Variants in POMGNT2 observed in about 807,000 individuals in gnomAD.
The protein encoded by POMGNT2 is protein O-linked mannose N-acetylglucosaminyltransferase 2 (beta 1,4-).
Under a neutral mutation model 37.8 loss-of-function variants are expected in POMGNT2, and 32 were observed. The observed-to-expected ratio is 0.85, with a 90% CI of 0.64 to 1.14. The LOEUF (loss-of-function observed/expected upper bound fraction) is 1.14. Among genes scored for constraint, POMGNT2 ranks in the 50% most tolerant of loss-of-function variants. POMGNT2 has a pLI of 0.00. For missense variants in POMGNT2, 705 were observed against 780.6 expected (o/e 0.90, Z 1.15); for synonymous variants, 340 against 336.8 (o/e 1.01, Z -0.10).
At chr3:43,096,809 T>G (rs1354444054) in intron 1 of POMGNT2, among the ~76,000 whole-genome samples, 1 of 152,130 alleles carries the variant, frequency 6.6e-6, no homozygotes, top group Non-Finnish European at 1.5e-5. Context: ...AAAACATGCC[T>G]AGAAAATCCC....
At chr3:43,085,055 T>A (rs1172100188) in intron 1 of POMGNT2, among the ~76,000 whole-genome samples, 1 of 151,674 alleles carries the variant, frequency 6.6e-6, no homozygotes, top group African/African-American at 2.4e-5. Context: ...CTACTCAGCC[T>A]CCACCAATAC....
intron 1 of POMGNT2, among the ~76,000 whole-genome samples, chr3:43,096,942 T>C (rs1434849614): frequency 2.6e-5 from 4 of 152,304 alleles, no homozygotes; most frequent in African/African-American, 9.6e-5. Flanking sequence ...CTTTCTAGGA[T>C]CCCAGCTGTT....
At chr3:43,081,589 AT>A in intron 1 of POMGNT2, 53 bp from the exon 2 acceptor site, 1 of 675,756 alleles carries the variant, frequency 1.5e-6, no homozygotes, top group Non-Finnish European at 2.4e-6. Flanking sequence ...TCCTGGCATC[AT>A]TACAAGCTCC....
intron 1 of POMGNT2, among the ~76,000 whole-genome samples, chr3:43,105,021 C>T (rs1315855621): frequency 6.6e-6 from 1 of 152,204 alleles, no homozygotes; most frequent in Non-Finnish European, 1.5e-5. Context: ...GCTACTAAGT[C>T]CTATCAAGCT....
intron 1 of POMGNT2, among the ~76,000 whole-genome samples, chr3:43,093,172 T>C (rs2089956502): frequency 6.6e-6 from 1 of 152,226 alleles, no homozygotes; most frequent in African/African-American, 2.4e-5. Context: ...GGTCCACATC[T>C]GGACCTGGCT....
At position 43,079,499 on chromosome 3, in the gene POMGNT2, G is replaced by C. The variant is rs2089825271; in HGVS notation, c.*190C>G. On this transcript the variant is annotated 3_prime_UTR_variant, in exon 2 of 2. Coordinates refer to ENST00000344697, the MANE Select transcript of POMGNT2 (RefSeq NM_032806.6). Reference sequence around the variant, plus strand: ...TACAAATGTTCAGGATGGGAGAAGGGGAAGTCAGGTCCCTTATCTCTAGGG... The same window carrying C: ...TACAAATGTTCAGGATGGGAGAAGGCGAAGTCAGGTCCCTTATCTCTAGGG... The C allele has an allele frequency of 1.8e-6, 1 of 558,742 alleles. No individual in the cohort carries two copies. The highest frequency in any genetic ancestry group is 1.9e-5 in the African/African-American group (1 of 52,680). 34.6% of individuals were successfully genotyped at this position (558,742 alleles called of 1,614,324 possible).
At chr3:43,096,760 T>C (rs2089982649) in intron 1 of POMGNT2, among the ~76,000 whole-genome samples, 1 of 152,110 alleles carries the variant, frequency 6.6e-6, no homozygotes. Flanking sequence ...ACAAAAATTT[T>C]TTCAAAAGAA....
intron 1 of POMGNT2, among the ~76,000 whole-genome samples, chr3:43,099,237 G>A (rs1254000998): frequency 6.6e-6 from 1 of 152,154 alleles, no homozygotes; most frequent in Non-Finnish European, 1.5e-5. Flanking sequence ...GATCAAGAGA[G>A]CCAAAAACAC....
rs764678016 is a variant in POMGNT2, at chr3:43,080,176, C to T, written c.1256G>A (p.Arg419Gln). ...WDQGGITHLD[R>Q]AEQARILQSR... The stretch of plus-strand genomic sequence containing the variant: ...TTGCAGGATACGGGCTTGCTCAGCC[C>T]GGTCCAGATGGGTGATGCCCCCCTG... Residue 419 changes from arginine to glutamine, a missense_variant, in exon 2 of 2, where the codon CGG (arginine) becomes CAG (glutamine). Physicochemically the swap from Arg to Gln is conservative, Grantham distance 43 (BLOSUM62 1). Transcript: ENST00000344697. 25 of 1,613,860 alleles carry T rather than the reference C, an allele frequency of 1.5e-5. No homozygotes were observed. The highest frequency in any genetic ancestry group is 1.7e-5 in the Non-Finnish European group (20 of 1,179,948).
chr3:43,085,028 G>A (rs568132780), intron 1 of POMGNT2, among the ~76,000 whole-genome samples: 1 of 151,340 alleles, frequency 6.6e-6, no homozygotes, highest in Non-Finnish European at 1.5e-5. Context: ...TTGGGCGGGG[G>A]TGGGCATCCA....
intron 1 of POMGNT2, among the ~76,000 whole-genome samples, chr3:43,090,218 T>C (rs1185208031): frequency 1.3e-5 from 2 of 152,156 alleles, no homozygotes; most frequent in Non-Finnish European, 2.9e-5. Context: ...TTCATAAGAC[T>C]CTCTTCTGCA....
rs1270556599 is a variant in POMGNT2, at chr3:43,079,907, G to A, written c.1525C>T (p.Pro509Ser). 1 of 1,614,142 alleles carries A rather than the reference G, an allele frequency of 6.2e-7. No individual in the cohort carries two copies. Among genetic ancestry groups the A allele is most frequent in the Non-Finnish European group, 8.5e-7 (1 of 1,180,010 alleles). The stretch of plus-strand genomic sequence containing the variant: ...ACCTTCAGGTATTTAAGGTTCCATG[G>A]GATCTGCCAGGAGACAGTGAGGCGG... Reference protein sequence around the residue: ...EARLTVSWQIPWNLKYLKVRE... With the variant: ...EARLTVSWQISWNLKYLKVRE... Residue 509 changes from proline (P) to serine (S), a missense_variant, in exon 2 of 2, where the codon CCA becomes TCA. Pro to Ser is a moderately conservative substitution (Grantham distance 74, BLOSUM62 -1). Transcript: ENST00000344697.
chr3:43,101,424 C>A (rs1364318436), intron 1 of POMGNT2, among the ~76,000 whole-genome samples: 2 of 152,148 alleles, frequency 1.3e-5, no homozygotes, highest in Admixed American at 6.5e-5. Context: ...GTGGACTACT[C>A]CACAGCGGGG....
rs1448668351 is a variant in POMGNT2 at position 43,081,300 on chromosome 3, C to T, written c.132G>A (p.Glu44=). 1.9e-6 allele frequency: 3 copies of T among 1,612,672 alleles called. No individual in the cohort carries two copies. In the East Asian group the frequency reaches 6.7e-5, roughly 36 times the overall value. The change falls in exon 2 of 2, where the codon GAG becomes GAA. Residue 44 remains glutamate, a synonymous_variant. Transcript: ENST00000344697. The stretch of plus-strand genomic sequence containing the variant: ...AGTCGATCCTCAGTGCTGGGGCTGG[C>T]TCTGTGGCCTGTCGGCTGAGGGCCA... ...EELALSRQAT[E]PAPALRIDYP... is the part of the protein sequence containing the mutation.
chr3:43,084,112 A>T (rs529847508), intron 1 of POMGNT2, among the ~76,000 whole-genome samples: 1 of 152,194 alleles, frequency 6.6e-6, no homozygotes, highest in Non-Finnish European at 1.5e-5. Context: ...TTTTCCCTGG[A>T]GGGAATGCAT....
At position 43,106,033 on chromosome 3, in the gene POMGNT2, T is replaced by A. The variant is rs939437; in HGVS notation, c.-303A>T. Reference sequence around the variant, plus strand: ...ACCGCCACCTCCAGGCTCGCAGGTGTCCGCCGTGCGCCTGCCCGGCGGGCG... The same window carrying A: ...ACCGCCACCTCCAGGCTCGCAGGTGACCGCCGTGCGCCTGCCCGGCGGGCG... On this transcript the variant is annotated 5_prime_UTR_variant, in exon 1 of 2. Transcript: ENST00000344697. 4.6e-5 allele frequency: 7 copies of A among 151,316 alleles called. No homozygotes were observed. Among genetic ancestry groups the A allele is most frequent in the Admixed American group, 2.6e-4 (4 of 15,208 alleles). The allele number at this position is 151,316 out of a possible 1,614,324, so 9.4% of individuals were successfully genotyped here.
Position 43,086,908 on chromosome 3 carries a change from CACAG to C in POMGNT2, c.-105-5376_-105-5373del, listed in dbSNP as rs956207075. Among the ~76,000 whole-genome samples, 7 of 152,266 alleles carry C rather than the reference CACAG, an allele frequency of 4.6e-5. 1 individual carries two copies. Among genetic ancestry groups the C allele is most frequent in the Admixed American group, 3.3e-4 (5 of 15,300 alleles). On this transcript the variant is annotated intron_variant, in intron 1 of 1. Transcript: ENST00000344697. The stretch of plus-strand genomic sequence containing the variant: ...ACCTTATTTGGAAAAAGGCTCTTTG[CACAG>C]ACAATTAGATAAGAATCTTGAAATG...
intron 1 of POMGNT2, among the ~76,000 whole-genome samples, chr3:43,104,950 AG>A (rs2090046631): frequency 6.6e-6 from 1 of 152,348 alleles, no homozygotes; most frequent in African/African-American, 2.4e-5. Flanking sequence ...CAAGATTTGA[AG>A]GCGGGGCACA....
In POMGNT2 at chr3:43,098,900, G is replaced by A. The variant is rs1391724790; in HGVS notation, c.-106+6936C>T. Reference sequence around the variant, plus strand: ...CACCGGTTTTCAGCCTCCAAATAACGCAGAAACCTTTGCTTGCCACACAGC... The same window carrying A: ...CACCGGTTTTCAGCCTCCAAATAACACAGAAACCTTTGCTTGCCACACAGC... On this transcript the variant is annotated intron_variant, in intron 1 of 1. Coordinates refer to ENST00000344697, the MANE Select transcript of POMGNT2 (RefSeq NM_032806.6). The surrounding 1 kb of genome is among the most constrained non-coding windows in gnomAD (Gnocchi z 4.3). Among the ~76,000 whole-genome samples, 3 of 145,712 alleles carry A rather than the reference G, an allele frequency of 2.1e-5. No homozygotes were observed. The highest frequency in any genetic ancestry group is 6.8e-5 in the Admixed American group (1 of 14,776).
Sources: allele counts gnomAD v4.1 joint callset (sites outside exome capture counted in the v4.1 genomes callset), GRCh38; gene constraint gnomAD v4.1.1; non-coding constraint Gnocchi (gnomAD v3.1); transcripts MANE v1.5; gene names NCBI Gene and HGNC (gene_info 2026-07-23, HGNC 2026-07-21).